The following KCNH7 variants were observed in gnomAD, a reference collection of about 807,000 sequenced individuals.
KCNH7 encodes voltage-gated inwardly rectifying potassium channel KCNH7.
In KCNH7, 49 loss-of-function variants were observed where a neutral mutation model predicts 120.8. The ratio of observed to expected loss-of-function variants is 0.41; its 90% CI spans 0.32 to 0.51. KCNH7 has a LOEUF of 0.51. KCNH7 is among the 20% of genes least tolerant of loss of function. The pLI is 0.38. For synonymous variants in KCNH7, 547 were observed against 516.1 expected (o/e 1.06, Z -0.81); for missense variants, 1,097 against 1,446.6 (o/e 0.76, Z 3.92).
At chr2:162,711,272 G>A (rs1298225191) in intron 2 of KCNH7, among the ~76,000 whole-genome samples, 1 of 152,202 alleles carries the variant, frequency 6.6e-6, no homozygotes, top group Non-Finnish European at 1.5e-5. Flanking sequence ...TATCAGCAGA[G>A]ATTTTGAAAG....
At chr2:162,771,927 C>G (rs1034087541) in intron 2 of KCNH7, 1 of 152,114 alleles carries the variant, frequency 6.6e-6, no homozygotes, top group Non-Finnish European at 1.5e-5. Context: ...TTCTCTTTCT[C>G]AAGGCAACAG....
At chr2:162,693,159 A>G (rs1686175212) in intron 2 of KCNH7, among the ~76,000 whole-genome samples, 1 of 152,214 alleles carries the variant, frequency 6.6e-6, no homozygotes, top group Admixed American at 6.5e-5. Context: ...ACTATTTGTT[A>G]GAGGTCTTTT....
chr2:162,625,662 G>T (rs1683528438), intron 2 of KCNH7, among the ~76,000 whole-genome samples: 1 of 152,082 alleles, frequency 6.6e-6, no homozygotes, highest in African/African-American at 2.4e-5. Flanking sequence ...CACCTCACAG[G>T]GTTTTGTTGC....
chr2:162,500,736 T>C (rs1690659496), intron 6 of KCNH7, among the ~76,000 whole-genome samples: 1 of 152,022 alleles, frequency 6.6e-6, no homozygotes, highest in African/African-American at 2.4e-5. Context: ...GTGAATAAAA[T>C]AAGAAAGAAC....
chr2:162,486,650 T>C (rs1574017264), intron 6 of KCNH7, among the ~76,000 whole-genome samples: 1 of 152,292 alleles, frequency 6.6e-6, no homozygotes, highest in African/African-American at 2.4e-5. Flanking sequence ...TATCTCAAGC[T>C]TTTCTTTTAA....
At chr2:162,770,126 C>T (rs1367831493) in intron 2 of KCNH7, among the ~76,000 whole-genome samples, 3 of 151,984 alleles carry the variant, frequency 2.0e-5, no homozygotes, top group African/African-American at 7.2e-5. Context: ...AGACTGAGTA[C>T]ATGGGAATTT....
At position 162,435,554 on chromosome 2, in the gene KCNH7, C is replaced by T; in HGVS notation, c.1598G>A (p.Arg533His). 6.2e-7 allele frequency: 1 copy of T among 1,611,324 alleles called. No homozygotes were observed. Among genetic ancestry groups the T allele is most frequent in the Non-Finnish European group, 8.5e-7 (1 of 1,178,286 alleles). ...CAGTTTCCTGGCCACGCGCACAAGACGGAGGAGTCGGGCAGTCTTCAAAAG... is the reference window on the plus strand; with the variant it reads ...CAGTTTCCTGGCCACGCGCACAAGATGGAGGAGTCGGGCAGTCTTCAAAAG... Reference protein sequence around the residue: ...IGLLKTARLLRLVRVARKLDR... With the variant: ...IGLLKTARLLHLVRVARKLDR... The change falls in exon 8 of 16, where the codon CGT becomes CAT. Residue 533 changes from arginine to histidine, a missense_variant. This residue lies in a region of KCNH7 where 109 missense variants were observed against 196.8 expected (regional missense o/e 0.55). Coordinates refer to ENST00000332142, the MANE Select transcript of KCNH7 (RefSeq NM_033272.4).
rs879479915 is a variant in KCNH7 at position 162,549,843 on chromosome 2, AGC to A, written c.308-12765_308-12764del. On this transcript the variant is annotated intron_variant, in intron 2 of 15. Transcript: ENST00000332142. The stretch of plus-strand genomic sequence containing the variant: ...TCAATGCTTATAAGAACAAGGACTG[AGC>A]TAATATTTTGTCATCTTGTAACATC... 3.1e-3 allele frequency among the ~76,000 whole-genome samples: 471 copies of A among 152,354 alleles called. 6 individuals carry two copies. Among genetic ancestry groups the A allele is most frequent in the Admixed American group, 0.026 (401 of 15,302 alleles).
At chr2:162,688,646 A>C (rs1685985238) in intron 2 of KCNH7, among the ~76,000 whole-genome samples, 1 of 152,148 alleles carries the variant, frequency 6.6e-6, no homozygotes. Context: ...TCAGGTATGC[A>C]TAAAAATCAC....
chr2:162,652,824 C>G (rs1270991382), intron 2 of KCNH7, among the ~76,000 whole-genome samples: 1 of 152,138 alleles, frequency 6.6e-6, no homozygotes, highest in Non-Finnish European at 1.5e-5. Context: ...TAAAAAGCTG[C>G]TTTTCTTTAT....
At chr2:162,491,167 C>A (rs1306077389) in intron 6 of KCNH7, among the ~76,000 whole-genome samples, 1 of 152,240 alleles carries the variant, frequency 6.6e-6, no homozygotes, top group Non-Finnish European at 1.5e-5. Flanking sequence ...AGCCTTTCCT[C>A]CTCTGGTTGA....
intron 2 of KCNH7, among the ~76,000 whole-genome samples, chr2:162,811,986 A>C (rs1380183685): frequency 6.6e-6 from 1 of 152,198 alleles, no homozygotes; most frequent in African/African-American, 2.4e-5. Context: ...ATCTTTTCAA[A>C]GAAATAGAAT....
intron 9 of KCNH7, among the ~76,000 whole-genome samples, chr2:162,422,375 T>A (rs944658340): frequency 6.6e-6 from 1 of 152,196 alleles, no homozygotes; most frequent in African/African-American, 2.4e-5. Flanking sequence ...AATTGTTTCA[T>A]GCAATTGACA....
At chr2:162,735,905 G>A (rs572361758) in intron 2 of KCNH7, among the ~76,000 whole-genome samples, 1 of 152,150 alleles carries the variant, frequency 6.6e-6, no homozygotes. Context: ...TCCTTGAGAA[G>A]GGCTTAGAGT....
At position 162,373,544 on chromosome 2, in the gene KCNH7, T is replaced by C. The variant is rs780962569; in HGVS notation, c.3250A>G (p.Ile1084Val). ...TGACTGGTTCTCATCAGCTGGATGA[T>C]GGGTCTCTGATATTCTGATCCTGCT... ...VTAGSEYQRP[I>V]IQLMRTSQPE... Residue 1084 changes from isoleucine (I) to valine (V), a missense_variant, in exon 15 of 16, where the codon ATC becomes GTC. This residue lies in a region of KCNH7 where 406 missense variants were observed against 410.5 expected (regional missense o/e 0.99). Coordinates refer to ENST00000332142, the MANE Select transcript of KCNH7 (RefSeq NM_033272.4). 199 of 1,591,494 alleles carry C rather than the reference T, an allele frequency of 1.3e-4. No individual in the cohort carries two copies. The highest frequency in any genetic ancestry group is 4.6e-4 in the Admixed American group (26 of 56,494).
rs576881094 is a variant in KCNH7 at position 162,542,882 on chromosome 2, T to C, written c.308-5802A>G. On this transcript the variant is annotated intron_variant, in intron 2 of 15. Transcript: ENST00000332142. ...AGTCCCACTAACAGTGTAAAATTGT[T>C]CCTATTTCTCCACATCCTCTCCAGC... 1.3e-4 allele frequency among the ~76,000 whole-genome samples: 20 copies of C among 152,252 alleles called. No individual in the cohort carries two copies. The South Asian group carries it at 3.7e-3, about 28-fold the overall frequency.
In KCNH7 at chr2:162,512,639, G is replaced by T. The variant is rs1255612290; in HGVS notation, c.913+15C>A. On this transcript the variant is annotated intron_variant, in intron 5 of 15. Coordinates refer to ENST00000332142, the MANE Select transcript of KCNH7 (RefSeq NM_033272.4). ...GGTTGAACATCAGATGGTGAAATTTGAGTTTGTACATTACCTTTGACATTG... is the reference window on the plus strand; with the variant it reads ...GGTTGAACATCAGATGGTGAAATTTTAGTTTGTACATTACCTTTGACATTG... 12 of 1,607,794 alleles carry T rather than the reference G, an allele frequency of 7.5e-6. No individual in the cohort carries two copies. Among genetic ancestry groups the T allele is most frequent in the Non-Finnish European group, 1.0e-5 (12 of 1,176,006 alleles).
At chr2:162,805,033 CGAA>C (rs1186613809) in intron 2 of KCNH7, among the ~76,000 whole-genome samples, 1 of 151,540 alleles carries the variant, frequency 6.6e-6, no homozygotes, top group Non-Finnish European at 1.5e-5. Context: ...GCTAGCTACA[CGAA>C]GAAGAATGAA....
chr2:162,376,064 G>A (rs1054235446), intron 14 of KCNH7, among the ~76,000 whole-genome samples: 19 of 152,092 alleles, frequency 1.2e-4, no homozygotes, highest in African/African-American at 4.3e-4. Context: ...ATAAAGCTGC[G>A]TGAAGTTAAT....
Sources: gnomAD v4.1 joint callset for allele counts (sites outside exome capture counted in the v4.1 genomes callset) on GRCh38, gnomAD v4.1.1 for gene constraint, gnomAD v4.1.1 regional missense constraint, MANE v1.5 for transcripts, NCBI Gene and HGNC (gene_info 2026-07-23, HGNC 2026-07-21) for gene names.